CNBD1: variants seen among roughly 807,000 people sequenced by gnomAD.
The protein encoded by CNBD1 is cyclic nucleotide-binding domain-containing protein 1.
CNBD1 carries 71 observed loss-of-function variants against 54.4 expected under a neutral mutation model. The observed-to-expected ratio is 1.30, with a 90% CI of 1.08 to 1.59. The LOEUF (loss-of-function observed/expected upper bound fraction) is 1.59, where lower values mean the gene tolerates loss of function less well. Ranked by LOEUF, CNBD1 falls within the 40% of genes most tolerant of loss-of-function variation. CNBD1 has a pLI of 0.00. For missense variants in CNBD1, 659 were observed against 518.0 expected (o/e 1.27, Z -2.64); for synonymous variants, 182 against 170.7 (o/e 1.07, Z -0.51).
intron 6 of CNBD1, among the ~76,000 whole-genome samples, chr8:87,267,965 T>G (rs1808295399): frequency 2.0e-5 from 3 of 152,140 alleles, no homozygotes; most frequent in Admixed American, 1.3e-4. Context: ...TCTGTTTGCT[T>G]ATATGTTTTA....
chr8:86,982,612 T>C (rs1221687399), intron 4 of CNBD1, among the ~76,000 whole-genome samples: 1 of 152,254 alleles, frequency 6.6e-6, no homozygotes, highest in East Asian at 1.9e-4. Flanking sequence ...TATGAGTCTA[T>C]TTCTGAATTA....
At chr8:86,867,782 A>G (rs1320667417) in intron 1 of CNBD1, among the ~76,000 whole-genome samples, 1 of 152,220 alleles carries the variant, frequency 6.6e-6, no homozygotes, top group East Asian at 1.9e-4. Context: ...GGTAGCTGGG[A>G]GTTAAAAGAT....
intron 4 of CNBD1, among the ~76,000 whole-genome samples, chr8:87,031,871 G>C (rs547547947): frequency 3.3e-5 from 5 of 152,260 alleles, no homozygotes; most frequent in Non-Finnish European, 5.9e-5. Flanking sequence ...CTCCTGAGTA[G>C]CTGGGATTAC....
intron 2 of CNBD1, chr8:87,428,467 AAAT>A (rs1441073210): frequency 3.1e-6 from 1 of 327,498 alleles, no homozygotes; most frequent in East Asian, 9.1e-5. Context: ...ATATTGATAA[AAAT>A]AGGATTAGCA....
At chr8:86,877,953 C>T (rs1483211125) in intron 1 of CNBD1, among the ~76,000 whole-genome samples, 1 of 151,844 alleles carries the variant, frequency 6.6e-6, no homozygotes, top group East Asian at 1.9e-4. Context: ...TGCAGTTTCC[C>T]ATGTGGATTT....
chr8:87,228,250 C>T (rs1040663744), intron 5 of CNBD1, among the ~76,000 whole-genome samples: 8 of 150,914 alleles, frequency 5.3e-5, no homozygotes, highest in African/African-American at 1.5e-4. Context: ...TCGTCAAAGT[C>T]CTTCTCCGTC....
chr8:86,975,682 A>G (rs771423252), intron 4 of CNBD1, among the ~76,000 whole-genome samples: 3 of 152,084 alleles, frequency 2.0e-5, no homozygotes, highest in African/African-American at 4.8e-5. Context: ...TAATGCTGCA[A>G]TGAATGTGGG....
At chr8:87,241,106 G>C (rs1807691576) in intron 6 of CNBD1, among the ~76,000 whole-genome samples, 1 of 152,004 alleles carries the variant, frequency 6.6e-6, no homozygotes, top group Non-Finnish European at 1.5e-5. Flanking sequence ...CATGAAGCAG[G>C]TATCTTTCAA....
At chr8:86,922,936 A>G (rs1809299090) in intron 3 of CNBD1, among the ~76,000 whole-genome samples, 1 of 152,150 alleles carries the variant, frequency 6.6e-6, no homozygotes, top group African/African-American at 2.4e-5. Context: ...AGGAGAAACT[A>G]CAATGTTGGG....
chr8:87,396,435 G>T (rs941205846), intron 2 of CNBD1, among the ~76,000 whole-genome samples: 3 of 151,824 alleles, frequency 2.0e-5, no homozygotes, highest in Non-Finnish European at 4.4e-5. Flanking sequence ...TTTGCTGGTG[G>T]TGCCTTAAAC....
chr8:87,291,033 G>T (rs2130874754), intron 8 of CNBD1, among the ~76,000 whole-genome samples: 1 of 152,116 alleles, frequency 6.6e-6, no homozygotes, highest in Non-Finnish European at 1.5e-5. Flanking sequence ...CTCATATATT[G>T]TTAGCTATGC....
chr8:87,099,708 G>A (rs2130691357), intron 4 of CNBD1, among the ~76,000 whole-genome samples: 1 of 152,246 alleles, frequency 6.6e-6, no homozygotes, highest in African/African-American at 2.4e-5. Flanking sequence ...AGATAAGAAA[G>A]AAAACAGTTT....
intron 5 of CNBD1, among the ~76,000 whole-genome samples, chr8:87,229,240 G>A (rs4960934): frequency 0.4 from 60,193 of 152,026 alleles, 13,322 homozygotes; most frequent in Non-Finnish European, 0.49. Context: ...GCTGTAGACC[G>A]CAGCTGTTCC....
rs28488682 is a variant in CNBD1, at chr8:87,188,764, T to C, written c.432-17229T>C. Among the ~76,000 whole-genome samples the C allele has an allele frequency of 3.2e-3, 435 of 134,472 alleles. 2 individuals carry two copies. Among genetic ancestry groups the C allele is most frequent in the African/African-American group, 0.012 (422 of 34,700 alleles). 88.2% of individuals were successfully genotyped at this position (134,472 alleles called of 152,430 possible). On this transcript the variant is annotated intron_variant, in intron 4 of 10. Transcript: ENST00000518476. ...ACTCCATCTCAAAAAAAAAAAAAAA[T>C]AAAAATAAAAAATAAGTAAATAAAT...
intron 6 of CNBD1, among the ~76,000 whole-genome samples, chr8:87,258,322 AG>A (rs1808062718): frequency 6.6e-6 from 1 of 152,156 alleles, no homozygotes; most frequent in Non-Finnish European, 1.5e-5. Flanking sequence ...TCATTGATAA[AG>A]GGAAGACTTA....
intron 8 of CNBD1, among the ~76,000 whole-genome samples, chr8:87,290,090 T>C (rs1808759750): frequency 6.6e-6 from 1 of 152,124 alleles, no homozygotes; most frequent in Non-Finnish European, 1.5e-5. Flanking sequence ...CTACTTCAGA[T>C]TTTTACTAAC....
intron 4 of CNBD1, among the ~76,000 whole-genome samples, chr8:87,081,496 GT>G (rs111244963): frequency 6.9e-6 from 1 of 145,762 alleles, no homozygotes; most frequent in African/African-American, 2.5e-5. Flanking sequence ...ACTATTTTTT[GT>G]TTTTTTTGTT....
rs192753952 is a variant in CNBD1, at chr8:86,952,195, A to G, written c.431+12441A>G. Among the ~76,000 whole-genome samples, 61 of 152,264 alleles carry G rather than the reference A, an allele frequency of 4.0e-4. 1 individual carries two copies. In the East Asian group the frequency reaches 9.7e-3, roughly 24 times the overall value. On this transcript the variant is annotated intron_variant, in intron 4 of 10. Coordinates refer to ENST00000518476, the MANE Select transcript of CNBD1 (RefSeq NM_173538.3). ...GATTGATGTCTCATATCTCCCTATA[A>G]CATACAAAACCCAAGCTGTTCCCTG...
chr8:87,422,388 C>A (rs1421973183), intron 2 of CNBD1, among the ~76,000 whole-genome samples: 1 of 100,470 alleles, frequency 1.0e-5, no homozygotes, highest in African/African-American at 5.8e-5. Flanking sequence ...GGTTTTCTTC[C>A]AGGGTTTTTA....
Sources: gnomAD v4.1 joint callset for allele counts (sites outside exome capture counted in the v4.1 genomes callset) on GRCh38, gnomAD v4.1.1 for gene constraint, MANE v1.5 for transcripts, NCBI Gene and HGNC (gene_info 2026-07-23, HGNC 2026-07-21) for gene names.